DNHD1: variants seen among roughly 807,000 people sequenced by gnomAD.
The protein encoded by DNHD1 is dynein heavy chain domain-containing protein 1.
DNHD1 carries 383 observed loss-of-function variants against 458.1 expected under a neutral mutation model. That is an observed-to-expected ratio of 0.84 (90% CI 0.77 to 0.91). The LOEUF (loss-of-function observed/expected upper bound fraction) is 0.91. Among genes scored for constraint, DNHD1 ranks in the 40% least tolerant of loss-of-function variants. The pLI is 0.00. For missense variants in DNHD1, 5,336 were observed against 5,866.1 expected (o/e 0.91, Z 2.95); for synonymous variants, 2,203 against 2,376.9 (o/e 0.93, Z 2.13).
chr11:6,564,939 C>A (rs558027615), intron 32 of DNHD1, 135 bp downstream of exon 32: 1 of 736,706 alleles, frequency 1.4e-6, no homozygotes, highest in Non-Finnish European at 2.2e-6. Flanking sequence ...CCAGCCTATA[C>A]TATAGGAACA....
At position 6,545,998 on chromosome 11, in the gene DNHD1, G is replaced by C; in HGVS notation, c.5059G>C (p.Gly1687Arg). The C allele has an allele frequency of 1.3e-6, 2 of 1,551,752 alleles. No homozygotes were observed. The highest frequency in any genetic ancestry group is 1.7e-6 in the Non-Finnish European group (2 of 1,146,984). Residue 1687 changes from glycine to arginine, a missense_variant, in exon 21 of 43, where the codon GGT (glycine) becomes CGT (arginine). Coordinates refer to ENST00000254579, the MANE Select transcript of DNHD1 (RefSeq NM_144666.3). This position sits in a 1 kb window ranked among gnomAD's most constrained non-coding sequence, Gnocchi z 4.9. The part of the protein sequence containing the change: ...LEEVACGTVL[G>R]PNGVGKRAIV... The stretch of plus-strand genomic sequence containing the variant: ...GGAGGTGGCCTGTGGGACCGTACTG[G>C]GTCCTAATGGTGTGGGCAAGAGAGC...
Position 6,533,126 on chromosome 11 carries a change from T to G in DNHD1, c.2447T>G (p.Met816Arg). ...CTCATGACAGAGCTCACAGATTTCA[T>G]GCATATCTTCCGAACCATCAACTCA... ...QQLMTELTDF[M>R]HIFRTINSDI... Residue 816 changes from methionine to arginine, a missense_variant, in exon 13 of 43, where the codon ATG (methionine) becomes AGG (arginine). Physicochemically the swap from Met to Arg is moderately conservative, Grantham distance 91. Coordinates refer to ENST00000254579, the MANE Select transcript of DNHD1 (RefSeq NM_144666.3). 1 of 1,551,718 alleles carries G rather than the reference T, an allele frequency of 6.4e-7. No homozygotes were observed. Among genetic ancestry groups the G allele is most frequent in the Non-Finnish European group, 8.7e-7 (1 of 1,146,994 alleles).
rs1237387128 is a variant in DNHD1, at chr11:6,564,035, C to A, written c.10195C>A (p.Leu3399Ile). Residue 3399 changes from leucine to isoleucine, a missense_variant, in exon 31 of 43, where the codon CTC becomes ATC. Transcript: ENST00000254579. Reference sequence around the variant, plus strand: ...TTCCCACAACTGCGTGGCAAAGACCCTCAGTCAAGCACAGTGTGGGCAGTA... The same window carrying A: ...TTCCCACAACTGCGTGGCAAAGACCATCAGTCAAGCACAGTGTGGGCAGTA... The part of the protein sequence containing the change: ...QASHNCVAKT[L>I]SQAQCGQYHK... 6.4e-7 allele frequency: 1 copy of A among 1,551,738 alleles called. No individual in the cohort carries two copies.
chr11:6,498,789 G>A lies in DNHD1; in HGVS notation c.574G>A (p.Glu192Lys). 1.4e-5 allele frequency: 23 copies of A among 1,614,234 alleles called. No homozygotes were observed. The highest frequency in any genetic ancestry group is 1.9e-5 in the Non-Finnish European group (23 of 1,180,022). Residue 192 changes from glutamate (E) to lysine (K), a missense_variant, in exon 3 of 43, where the codon GAG becomes AAG. Glu to Lys is a moderately conservative substitution (Grantham distance 56). Coordinates refer to ENST00000254579, the MANE Select transcript of DNHD1 (RefSeq NM_144666.3). ...ATWLRPLTLP[E>K]LQRCLGIVGA... ...CTGGCTGCGACCATTGACACTGCCT[G>A]AGCTACAGCGCTGCCTGGGCATTGT...
Position 6,528,715 on chromosome 11 carries a change from G to A in DNHD1, c.2031G>A (p.Lys677=). ...GCCAATACTTCCCCCACAATTATAA[G>A]CAGCTGGAGGAAGACCTGGACAACA... The part of the protein sequence containing the change: ...LRGQYFPHNY[K]QLEEDLDNNP... Residue 677 remains lysine, a synonymous_variant, in exon 11 of 43, where the codon AAG becomes AAA. Transcript: ENST00000254579. The A allele has an allele frequency of 3.9e-6, 6 of 1,551,760 alleles. No homozygotes were observed. Among genetic ancestry groups the A allele is most frequent in the Non-Finnish European group, 5.2e-6 (6 of 1,146,998 alleles).
chr11:6,556,721 C>T lies in DNHD1; in HGVS notation c.7426C>T (p.Arg2476Cys), dbSNP rs116725967. ...CTGCCAGCCAGTGTTGGAGACTCTG[C>T]GCCAGGCCATGGATGGCACTGTGTA... ...KSCQPVLETLRQAMDGTVYAH... is the reference protein window; with the variant it reads ...KSCQPVLETLCQAMDGTVYAH... Residue 2476 changes from arginine to cysteine, a missense_variant, in exon 25 of 43, where the codon CGC becomes TGC. This residue lies in a region of DNHD1 where 3,932 missense variants were observed against 4,365.6 expected (regional missense o/e 0.90). Transcript: ENST00000254579. 2.0e-5 allele frequency: 31 copies of T among 1,550,668 alleles called. No individual in the cohort carries two copies. Among genetic ancestry groups the T allele is most frequent in the Middle Eastern group, 3.3e-4 (2 of 5,984 alleles).
chr11:6,551,309 A>G (rs960045324), intron 24 of DNHD1, among the ~76,000 whole-genome samples: 2 of 152,236 alleles, frequency 1.3e-5, no homozygotes, highest in Non-Finnish European at 2.9e-5. Flanking sequence ...ACATATCAAA[A>G]TTTGTGAGAT....
chr11:6,540,718 G>T (rs761075463), intron 18 of DNHD1, among the ~76,000 whole-genome samples: 2 of 152,170 alleles, frequency 1.3e-5, no homozygotes, highest in Non-Finnish European at 2.9e-5. Flanking sequence ...TGCCAAACTT[G>T]CCAGGTGAGA....
At chr11:6,499,900 G>C (rs1384275302) in intron 3 of DNHD1, among the ~76,000 whole-genome samples, 2 of 150,998 alleles carry the variant, frequency 1.3e-5, no homozygotes, top group Non-Finnish European at 2.9e-5. Context: ...CTGGCTATCA[G>C]AGCTCTCTAC....
chr11:6,543,054 CTT>C (rs1427243781), intron 18 of DNHD1, among the ~76,000 whole-genome samples: 2 of 152,200 alleles, frequency 1.3e-5, no homozygotes, highest in East Asian at 1.9e-4. Context: ...AGATGGGCCT[CTT>C]TGCCTCCTCA....
At position 6,570,905 on chromosome 11, in the gene DNHD1, G is replaced by C; in HGVS notation, c.13393G>C (p.Glu4465Gln). Reference sequence around the variant, plus strand: ...GCTGACCCACGTGATTCGCCAAGACGAGTCCGACGCCCCGTGGTCAGTGCT... The same window carrying C: ...GCTGACCCACGTGATTCGCCAAGACCAGTCCGACGCCCCGTGGTCAGTGCT... ...DLLTHVIRQD[E>Q]SDAPWSVLGP... Residue 4465 changes from glutamate (E) to glutamine (Q), a missense_variant, in exon 42 of 43, where the codon GAG (glutamate) becomes CAG (glutamine). Transcript: ENST00000254579. 6.2e-7 allele frequency: 1 copy of C among 1,613,598 alleles called. No homozygotes were observed. The highest frequency in any genetic ancestry group is 2.2e-5 in the East Asian group (1 of 44,882).
chr11:6,550,063 C>G (rs907397498), intron 24 of DNHD1, among the ~76,000 whole-genome samples: 1 of 152,154 alleles, frequency 6.6e-6, no homozygotes, highest in Non-Finnish European at 1.5e-5. Context: ...AAACTTGAAC[C>G]AGATGTATTC....
intron 14 of DNHD1, among the ~76,000 whole-genome samples, chr11:6,536,120 A>T (rs574780901): frequency 6.6e-6 from 1 of 152,210 alleles, no homozygotes; most frequent in African/African-American, 2.4e-5. Context: ...AAAACACAAC[A>T]TGAGGAACTT....
In DNHD1 at chr11:6,547,326, T is replaced by C. The variant is rs1853243580; in HGVS notation, c.6387T>C (p.Ala2129=). ...PPGTFLLMEV[A]DTTGISPTVV... is the part of the protein sequence containing the mutation. ...GCACCTTTCTCTTGATGGAGGTGGC[T>C]GACACAACAGGCATATCCCCCACAG... The change falls in exon 21 of 43, where the codon GCT becomes GCC. Residue 2129 remains alanine (A), a synonymous_variant. Transcript: ENST00000254579. The C allele has an allele frequency of 6.4e-7, 1 of 1,551,802 alleles. No homozygotes were observed. Among genetic ancestry groups the C allele is most frequent in the Non-Finnish European group, 8.7e-7 (1 of 1,147,008 alleles).
intron 7 of DNHD1, among the ~76,000 whole-genome samples, chr11:6,514,614 T>G (rs1332412923): frequency 6.6e-6 from 1 of 152,046 alleles, no homozygotes; most frequent in African/African-American, 2.4e-5. Context: ...TGATATAATT[T>G]CAAACTTATT....
intron 24 of DNHD1, among the ~76,000 whole-genome samples, chr11:6,551,688 ATCCC>A (rs1853347816): frequency 6.6e-6 from 1 of 152,220 alleles, no homozygotes; most frequent in Non-Finnish European, 1.5e-5. Context: ...CACGCCTGTA[ATCCC>A]GGCACTTTGG....
At chr11:6,521,788 G>A (rs964686089) in intron 10 of DNHD1, among the ~76,000 whole-genome samples, 2 of 152,106 alleles carry the variant, frequency 1.3e-5, no homozygotes, top group African/African-American at 4.8e-5. Flanking sequence ...GCTGAAGTGT[G>A]GTAGTGCAGC....
chr11:6,547,916 A>C lies in DNHD1; in HGVS notation c.6781A>C (p.Ser2261Arg), dbSNP rs761396256. 3.9e-6 allele frequency: 6 copies of C among 1,551,770 alleles called. No individual in the cohort carries two copies. Among genetic ancestry groups the C allele is most frequent in the Non-Finnish European group, 5.2e-6 (6 of 1,147,046 alleles). Reference protein sequence around the residue: ...VAQSFRSSKSSFLNRSQVDSD... With the variant: ...VAQSFRSSKSRFLNRSQVDSD... ...CCAAAGCTTCAGGTCTTCAAAAAGC[A>C]GCTTTCTAAACCGGTCCCAGGTTGA... The change falls in exon 22 of 43, where the codon AGC (serine) becomes CGC (arginine). Residue 2261 changes from serine to arginine, a missense_variant. Ser to Arg is a moderately radical substitution (Grantham distance 110). Coordinates refer to ENST00000254579, the MANE Select transcript of DNHD1 (RefSeq NM_144666.3).
chr11:6,531,515 CAGCACCAT>C (rs1852828032), intron 12 of DNHD1, among the ~76,000 whole-genome samples: 1 of 142,792 alleles, frequency 7.0e-6, no homozygotes, highest in East Asian at 2.3e-4. Context: ...GGTCCAAAAG[CAGCACCAT>C]AAACAAACAA....
Sources: gnomAD v4.1 joint callset for allele counts (sites outside exome capture counted in the v4.1 genomes callset) on GRCh38, gnomAD v4.1.1 for gene constraint, gnomAD v4.1.1 regional missense constraint, Gnocchi (gnomAD v3.1) non-coding constraint, MANE v1.5 for transcripts, NCBI Gene and HGNC (gene_info 2026-07-23, HGNC 2026-07-21) for gene names.